CACNA2D1: variants seen among roughly 807,000 people sequenced by gnomAD.
The protein encoded by CACNA2D1 is voltage-dependent calcium channel subunit alpha-2/delta-1.
CACNA2D1 carries 53 observed loss-of-function variants against 171.5 expected under a neutral mutation model. The observed-to-expected ratio is 0.31, with a 90% CI of 0.25 to 0.39. The LOEUF is 0.39. CACNA2D1 is among the 10% of genes least tolerant of loss of function. The pLI is 1.00. For missense variants in CACNA2D1, 903 were observed against 1,299.8 expected (o/e 0.69, Z 4.69); for synonymous variants, 442 against 443.1 (o/e 1.00, Z 0.03).
rs562252084 is a variant in CACNA2D1, at chr7:82,391,621, C to A, written c.96-41972G>T. ...TTTTTTTGTCTTTTATGTTTTGTTT[C>A]TTTGCACAGATTCAAAGGAAGCAGA... On this transcript the variant is annotated intron_variant, in intron 1 of 38. Coordinates refer to ENST00000356860, the MANE Select transcript of CACNA2D1 (RefSeq NM_000722.4). Among the ~76,000 whole-genome samples the A allele has an allele frequency of 6.6e-5, 10 of 152,172 alleles. No homozygotes were observed. In the South Asian group the frequency reaches 2.1e-3, roughly 32 times the overall value.
chr7:81,966,999 A>G (rs756046704), intron 31 of CACNA2D1, among the ~76,000 whole-genome samples, 170 bp downstream of exon 31: 29 of 151,544 alleles, frequency 1.9e-4, no homozygotes, highest in Non-Finnish European at 2.7e-4. Context: ...AGCACTTTAC[A>G]TTCAAAATCA....
chr7:82,408,238 G>T (rs1827273425), intron 1 of CACNA2D1, among the ~76,000 whole-genome samples: 1 of 151,856 alleles, frequency 6.6e-6, no homozygotes, highest in South Asian at 2.1e-4. Context: ...CGCCAGGTTG[G>T]TCTCGAACTC....
intron 1 of CACNA2D1, among the ~76,000 whole-genome samples, chr7:82,411,470 T>C (rs184062360): frequency 1.3e-5 from 2 of 152,298 alleles, no homozygotes; most frequent in East Asian, 3.9e-4. Flanking sequence ...TAGTACTCAA[T>C]AGATGACACC....
At chr7:82,096,164 G>A (rs9886009) in intron 6 of CACNA2D1, among the ~76,000 whole-genome samples, 1,793 of 152,242 alleles carry the variant, frequency 0.012, 39 homozygotes, top group African/African-American at 0.041. Flanking sequence ...AGAACCAGGC[G>A]GTAAATGTTT....
intron 10 of CACNA2D1, among the ~76,000 whole-genome samples, chr7:82,052,022 T>C (rs193081204): frequency 6.6e-6 from 1 of 152,298 alleles, no homozygotes; most frequent in African/African-American, 2.4e-5. Flanking sequence ...AAAATTACTG[T>C]TATTTTTAAA....
At chr7:82,135,635 G>T (rs1791519502) in intron 5 of CACNA2D1, among the ~76,000 whole-genome samples, 1 of 151,960 alleles carries the variant, frequency 6.6e-6, no homozygotes, top group South Asian at 2.1e-4. Flanking sequence ...GTTATAATTT[G>T]GGAAACTGTG....
chr7:82,367,037 G>T (rs1821816922), intron 1 of CACNA2D1, among the ~76,000 whole-genome samples: 2 of 150,194 alleles, frequency 1.3e-5, no homozygotes, highest in East Asian at 4.0e-4. Flanking sequence ...CTCCCAAGTA[G>T]CTGGGACTAC....
intron 4 of CACNA2D1, among the ~76,000 whole-genome samples, chr7:82,137,266 A>G (rs1791730338): frequency 6.6e-6 from 1 of 152,218 alleles, no homozygotes; most frequent in East Asian, 1.9e-4. Flanking sequence ...GAGTAAATAT[A>G]TATGGATGAC....
chr7:82,250,071 C>G (rs1482968684), intron 3 of CACNA2D1, among the ~76,000 whole-genome samples: 1 of 152,242 alleles, frequency 6.6e-6, no homozygotes, highest in Non-Finnish European at 1.5e-5. Context: ...AGCAAGTAAA[C>G]AGAGAGAGGC....
chr7:82,232,703 A>C (rs1435806630), intron 3 of CACNA2D1, among the ~76,000 whole-genome samples: 5 of 151,856 alleles, frequency 3.3e-5, no homozygotes, highest in African/African-American at 1.2e-4. Flanking sequence ...GTCTCTACTA[A>C]AAATACAAAA....
At position 81,974,447 on chromosome 7, in the gene CACNA2D1, A is replaced by G. The variant is rs1211767368; in HGVS notation, c.2053+8T>C. On this transcript the variant is annotated splice_region_variant and intron_variant, in intron 25 of 38. Transcript: ENST00000356860. ...TCAAGCAATCATTTTGAATTAATGC[A>G]TACTTACATGATGGGTTGTTTGGAG... 1.5e-6 allele frequency: 2 copies of G among 1,376,188 alleles called. No homozygotes were observed. Among genetic ancestry groups the G allele is most frequent in the Non-Finnish European group, 1.0e-6 (1 of 965,344 alleles). The allele number at this position is 1,376,188 out of a possible 1,614,324, so 85.2% of individuals were successfully genotyped here.
At chr7:82,342,109 T>C (rs1335215208) in intron 2 of CACNA2D1, among the ~76,000 whole-genome samples, 3 of 150,300 alleles carry the variant, frequency 2.0e-5, no homozygotes, top group African/African-American at 4.9e-5. Flanking sequence ...ATCTTCACTC[T>C]AAGTAAATTA....
intron 10 of CACNA2D1, among the ~76,000 whole-genome samples, chr7:82,054,512 A>C (rs1271140465): frequency 1.3e-5 from 2 of 152,326 alleles, no homozygotes; most frequent in African/African-American, 4.8e-5. Context: ...ACTTGTTTGA[A>C]GATGAATCAT....
chr7:82,370,548 G>A (rs1015508465), intron 1 of CACNA2D1, among the ~76,000 whole-genome samples: 2 of 73,024 alleles, frequency 2.7e-5, no homozygotes, highest in Non-Finnish European at 7.1e-5. Flanking sequence ...GGTAAATGGA[G>A]GGATGGATGG....
At chr7:82,221,176 A>G (rs1414702795) in intron 3 of CACNA2D1, among the ~76,000 whole-genome samples, 2 of 147,672 alleles carry the variant, frequency 1.4e-5, no homozygotes, top group African/African-American at 4.9e-5. Context: ...ACAGTGGTCT[A>G]TCTTACACAT....
intron 10 of CACNA2D1, among the ~76,000 whole-genome samples, chr7:82,060,194 ATATATAT>A (rs1806580045): frequency 5.7e-4 from 6 of 10,574 alleles, no homozygotes; most frequent in Non-Finnish European, 1.1e-3. Flanking sequence ...TATATATTAT[ATATATAT>A]TATATATATA....
intron 3 of CACNA2D1, among the ~76,000 whole-genome samples, chr7:82,200,591 G>T (rs961863818): frequency 1.5e-4 from 23 of 151,974 alleles, no homozygotes; most frequent in African/African-American, 2.2e-4. Flanking sequence ...CTTTTTTTGT[G>T]TTTTCTGTTC....
intron 10 of CACNA2D1, among the ~76,000 whole-genome samples, chr7:82,053,741 A>T (rs1271338713): frequency 6.6e-6 from 1 of 152,260 alleles, no homozygotes; most frequent in African/African-American, 2.4e-5. Context: ...TTTCAATATT[A>T]CTTTTCTGCC....
At chr7:81,970,482 T>C (rs1584233800) in intron 27 of CACNA2D1, among the ~76,000 whole-genome samples, 193 bp downstream of exon 27, 1 of 151,594 alleles carries the variant, frequency 6.6e-6, no homozygotes, top group Non-Finnish European at 1.5e-5. Context: ...AAAAACATCA[T>C]TGAAGAATTT....
Sources: gnomAD v4.1 joint callset for allele counts (sites outside exome capture counted in the v4.1 genomes callset) on GRCh38, gnomAD v4.1.1 for gene constraint, MANE v1.5 for transcripts, NCBI Gene and HGNC (gene_info 2026-07-23, HGNC 2026-07-21) for gene names.